ITIH3: variants seen among roughly 807,000 people sequenced by gnomAD.
The protein encoded by ITIH3 is inter-alpha-trypsin inhibitor heavy chain 3, also known as inter-alpha-trypsin inhibitor heavy chain H3.
In ITIH3, 81 loss-of-function variants were observed where a neutral mutation model predicts 96.5. The observed-to-expected ratio is 0.84, with a 90% confidence interval of 0.70 to 1.01. The LOEUF is 1.01. Among genes scored for constraint, ITIH3 ranks in the 50% least tolerant of loss-of-function variants. ITIH3 has a pLI of 0.00. For missense variants in ITIH3, 1,057 were observed against 1,139.3 expected, an observed-to-expected ratio of 0.93 and a Z score of 1.04; for synonymous variants, 422 against 445.2, an observed-to-expected ratio of 0.95 and a Z score of 0.66.
In ITIH3 at chr3:52,800,587, G is replaced by T. The variant is rs1450504005; in HGVS notation, c.1125G>T (p.Lys375Asn). 7 of 1,568,456 alleles carry T rather than the reference G, an allele frequency of 4.5e-6. No individual in the cohort carries two copies. Among genetic ancestry groups the T allele is most frequent in the Non-Finnish European group, 6.1e-6 (7 of 1,156,544 alleles). ...TGAGGGGCATCAGTATGCTGAACAA[G>T]GCCCGAGAGGAGCACAGAATCCCAG... ...GLLRGISMLN[K>N]AREEHRIPER... is the part of the protein sequence containing the mutation. Residue 375 changes from lysine (K) to asparagine (N), a missense_variant, in exon 10 of 22, where the codon AAG becomes AAT. Lys to Asn is a moderately conservative substitution (Grantham distance 94). Coordinates refer to ENST00000449956, the MANE Select transcript of ITIH3 (RefSeq NM_002217.4).
In ITIH3 at chr3:52,800,581, G is replaced by A. The variant is rs1270955790; in HGVS notation, c.1119G>A (p.Leu373=). 1.5e-5 allele frequency: 23 copies of A among 1,565,708 alleles called. No homozygotes were observed. Among genetic ancestry groups the A allele is most frequent in the Non-Finnish European group, 1.9e-5 (22 of 1,154,876 alleles). The part of the protein sequence containing the change: ...NDGLLRGISM[L]NKAREEHRIP... Reference sequence around the variant, plus strand: ...GGCTGCTGAGGGGCATCAGTATGCTGAACAAGGCCCGAGAGGAGCACAGAA... The same window carrying A: ...GGCTGCTGAGGGGCATCAGTATGCTAAACAAGGCCCGAGAGGAGCACAGAA... The change falls in exon 10 of 22, where the codon CTG becomes CTA. Residue 373 remains leucine, a synonymous_variant. Transcript: ENST00000449956.
intron 5 of ITIH3, 121 bp downstream of exon 5, chr3:52,797,388 G>A (rs1699630311): frequency 9.5e-7 from 1 of 1,055,806 alleles, no homozygotes; most frequent in Admixed American, 2.5e-5. Flanking sequence ...CCCATCCTTG[G>A]CTGGGAAGGC....
rs771226580 is a variant in ITIH3 at position 52,807,903 on chromosome 3, G to A, written c.2418G>A (p.Thr806=). The A allele has an allele frequency of 3.3e-5, 53 of 1,612,312 alleles. No individual in the cohort carries two copies. Among genetic ancestry groups the A allele is most frequent in the South Asian group, 1.3e-4 (12 of 90,698 alleles). ...ACAGTCACCGGATGTCAGCACAGACGCATGGGCTGCTGGGTACGAAGTGTT... is the reference window on the plus strand; with the variant it reads ...ACAGTCACCGGATGTCAGCACAGACACATGGGCTGCTGGGTACGAAGTGTT... ...VVDSHRMSAQ[T]HGLLGQFFQP... is the part of the protein sequence containing the mutation. The change falls in exon 20 of 22, where the codon ACG becomes ACA. Residue 806 remains threonine (T), a synonymous_variant. Transcript: ENST00000449956.
chr3:52,807,780 G>A lies in ITIH3; in HGVS notation c.2295G>A (p.Val765=). The A allele has an allele frequency of 6.2e-7, 1 of 1,612,182 alleles. No individual in the cohort carries two copies. Among genetic ancestry groups the A allele is most frequent in the Non-Finnish European group, 8.5e-7 (1 of 1,179,204 alleles). The part of the protein sequence containing the change: ...LSMMINRKNM[V]VSFGDGVTFV... ...TGATGATCAACAGGAAGAACATGGT[G>A]GTCTCCTTTGGAGATGGGGTTACCT... The change falls in exon 20 of 22, where the codon GTG becomes GTA. Residue 765 remains valine (V), a synonymous_variant. Coordinates refer to ENST00000449956, the MANE Select transcript of ITIH3 (RefSeq NM_002217.4).
intron 9 of ITIH3, 55 bp from the exon 10 acceptor site, chr3:52,800,483 T>C: frequency 1.3e-6 from 2 of 1,548,898 alleles, no homozygotes; most frequent in South Asian, 2.4e-5. Flanking sequence ...CCAGCCTGTC[T>C]GCACACTGGC....
At position 52,799,877 on chromosome 3, in the gene ITIH3, T is replaced by A; in HGVS notation, c.1031T>A (p.Leu344His). ...TTAGTCCAGGCCACGCCCGAGAACC[T>A]CCAGGAGGCCAGGACGTTTGTGAAG... ...EHLVQATPEN[L>H]QEARTFVKSM... is the part of the protein sequence containing the mutation. The change falls in exon 9 of 22, where the codon CTC becomes CAC. Residue 344 changes from leucine to histidine, a missense_variant. Leu to His is a moderately conservative substitution (Grantham distance 99). Transcript: ENST00000449956. 6.2e-7 allele frequency: 1 copy of A among 1,613,836 alleles called. No individual in the cohort carries two copies. The highest frequency in any genetic ancestry group is 8.5e-7 in the Non-Finnish European group (1 of 1,179,808).
At chr3:52,803,782 A>G (rs1026806230) in intron 13 of ITIH3, 73 bp from the exon 14 acceptor site, 11 of 1,541,310 alleles carry the variant, frequency 7.1e-6, no homozygotes, top group African/African-American at 1.4e-5. Context: ...AGCTGTGTCC[A>G]CTGCTCCAGT....
rs1028909557 is a variant in ITIH3 at position 52,798,520 on chromosome 3, C to A, written c.664-446C>A. On this transcript the variant is annotated intron_variant, in intron 6 of 21. Coordinates refer to ENST00000449956, the MANE Select transcript of ITIH3 (RefSeq NM_002217.4). Reference sequence around the variant, plus strand: ...CTCCTCCCCTTTCTCCTCCTTTCTCCCTCCCCTCCTCTTGGCACCCACACA... The same window carrying A: ...CTCCTCCCCTTTCTCCTCCTTTCTCACTCCCCTCCTCTTGGCACCCACACA... 1.6e-5 allele frequency: 3 copies of A among 182,728 alleles called. No homozygotes were observed. In the South Asian group the frequency reaches 4.0e-4, roughly 25 times the overall value. 11.3% of individuals were successfully genotyped at this position (182,728 alleles called of 1,614,324 possible).
Position 52,799,929 on chromosome 3 carries a change from C to A in ITIH3, c.1075+8C>A, listed in dbSNP as rs765725934. The stretch of plus-strand genomic sequence containing the variant: ...GCATGGAGGATAAAGGAAGTAAGAG[C>A]GGAGCTGGAGCCCACACACCTCCTA... On this transcript the variant is annotated splice_region_variant and intron_variant, in intron 9 of 21. Coordinates refer to ENST00000449956, the MANE Select transcript of ITIH3 (RefSeq NM_002217.4). The A allele has an allele frequency of 6.2e-7, 1 of 1,612,046 alleles. No individual in the cohort carries two copies. The highest frequency in any genetic ancestry group is 1.3e-5 in the African/African-American group (1 of 74,984).
Position 52,795,616 on chromosome 3 carries a change from C to A in ITIH3, c.107C>A (p.Pro36Gln), listed in dbSNP as rs771419128. The A allele has an allele frequency of 1.2e-6, 2 of 1,612,224 alleles. No homozygotes were observed. Among genetic ancestry groups the A allele is most frequent in the African/African-American group, 2.7e-5 (2 of 74,896 alleles). The change falls in exon 2 of 22, where the codon CCG becomes CAG. Residue 36 changes from proline to glutamine, a missense_variant. Transcript: ENST00000449956. ...TTGTTTTTTCAGAAACGGAGCCTCC[C>A]GGAAGGGGTAAGAACTTTCACCAGG... ...PFRLLGKRSL[P>Q]EGVANGIEVY...
intron 13 of ITIH3, 149 bp from the exon 14 acceptor site, chr3:52,803,704 CTT>C (rs1169024332): frequency 1.0e-5 from 8 of 794,316 alleles, no homozygotes; most frequent in Non-Finnish European, 1.6e-5. Flanking sequence ...GTGAGCCAGT[CTT>C]CTCTGAGCCC....
In ITIH3 at chr3:52,802,795, GC is replaced by G; in HGVS notation, c.1699del (p.Leu567TrpfsTer29). 1 of 1,613,948 alleles carries G rather than the reference GC, an allele frequency of 6.2e-7. No homozygotes were observed. Among genetic ancestry groups the G allele is most frequent in the Non-Finnish European group, 8.5e-7 (1 of 1,179,856 alleles). Reference sequence around the variant, plus strand: ...GGGCCTACCTCACCATTGAGCAGCTGCTGGAGAAGCGGTGAGCAGAGTCCCA... The same window carrying G: ...GGGCCTACCTCACCATTGAGCAGCTGTGGAGAAGCGGTGAGCAGAGTCCCA... ...LWAYLTIEQL[L>X]EKRKNAHGEE... is the part of the protein sequence containing the mutation. On this transcript the variant is annotated frameshift_variant, in exon 13 of 22. Coordinates refer to ENST00000449956, the MANE Select transcript of ITIH3 (RefSeq NM_002217.4). LOFTEE classifies it high-confidence loss of function.
At chr3:52,797,431 C>A (rs1038195267) in intron 5 of ITIH3, among the ~76,000 whole-genome samples, 164 bp downstream of exon 5, 1 of 152,242 alleles carries the variant, frequency 6.6e-6, no homozygotes, top group African/African-American at 2.4e-5. Flanking sequence ...CCAAAAGCAT[C>A]TGGGGCCAAG....
At chr3:52,797,734 A>T in intron 5 of ITIH3, 83 bp from the exon 6 acceptor site, 1 of 828,428 alleles carries the variant, frequency 1.2e-6, no homozygotes, top group East Asian at 2.7e-5. Context: ...ATCACCACAG[A>T]CCCATCTCAT....
chr3:52,805,729 G>T (rs377728793), intron 15 of ITIH3, 79 bp from the exon 16 acceptor site: 9 of 1,602,100 alleles, frequency 5.6e-6, no homozygotes, highest in Non-Finnish European at 7.7e-6. Flanking sequence ...GCCCAGCAGC[G>T]CTAAGACAGG....
chr3:52,795,548 C>T, intron 1 of ITIH3, 55 bp from the exon 2 acceptor site: 1 of 1,580,110 alleles, frequency 6.3e-7, no homozygotes, highest in Non-Finnish European at 8.6e-7. Flanking sequence ...GCCATGCGGC[C>T]TTGGTGTTGG....
chr3:52,797,222 G>C lies in ITIH3; in HGVS notation c.504G>C (p.Glu168Asp). 3 of 1,607,654 alleles carry C rather than the reference G, an allele frequency of 1.9e-6. No homozygotes were observed. Among genetic ancestry groups the C allele is most frequent in the Non-Finnish European group, 2.5e-6 (3 of 1,177,332 alleles). ...TGAAGAGGCACAAGGGCAAGTACGA[G>C]ATGTACCTCAAGGTCCAGCCTAAGC... is the stretch of plus-strand genomic sequence containing the variant. Reference protein sequence around the residue: ...ELLKRHKGKYEMYLKVQPKQL... With the variant: ...ELLKRHKGKYDMYLKVQPKQL... Residue 168 changes from glutamate (E) to aspartate (D), a missense_variant, in exon 5 of 22, where the codon GAG (glutamate) becomes GAC (aspartate). Transcript: ENST00000449956.
chr3:52,808,667 C>T lies in ITIH3; in HGVS notation c.2659C>T (p.Pro887Ser). ...TGGTGTCCACACTGACTACATTGTC[C>T]CCAACCTGTTTTGAGTAGACACACC... The part of the protein sequence containing the change: ...IDGVHTDYIV[P>S]NLF The change falls in exon 22 of 22, where the codon CCC becomes TCC. Residue 887 changes from proline to serine, a missense_variant. Physicochemically the swap from Pro to Ser is moderately conservative, Grantham distance 74. Coordinates refer to ENST00000449956, the MANE Select transcript of ITIH3 (RefSeq NM_002217.4). The T allele has an allele frequency of 6.2e-7, 1 of 1,610,172 alleles. No individual in the cohort carries two copies. The highest frequency in any genetic ancestry group is 1.1e-5 in the South Asian group (1 of 90,978).
At chr3:52,800,002 G>T in intron 9 of ITIH3, 81 bp downstream of exon 9, 2 of 1,374,716 alleles carry the variant, frequency 1.5e-6, no homozygotes, top group South Asian at 2.6e-5. Flanking sequence ...CCCTCTTAGG[G>T]ACTCTGCTGG....
Sources: allele counts gnomAD v4.1 joint callset (sites outside exome capture counted in the v4.1 genomes callset), GRCh38; gene constraint gnomAD v4.1.1; transcripts MANE v1.5; gene names NCBI Gene and HGNC (gene_info 2026-07-23, HGNC 2026-07-21).